Variants in KIF2A observed in about 807,000 individuals in gnomAD.
KIF2A encodes the protein kinesin family member 2A.
KIF2A carries 22 observed loss-of-function variants against 100.2 expected under a neutral mutation model. The ratio of observed to expected loss-of-function variants is 0.22; its 90% CI spans 0.16 to 0.31. KIF2A has a LOEUF of 0.31. Among genes scored for constraint, KIF2A ranks in the 10% least tolerant of loss-of-function variants. The pLI is 1.00. For synonymous variants in KIF2A, 268 were observed against 285.9 expected (o/e 0.94, Z 0.63); for missense variants, 495 against 898.7 (o/e 0.55, Z 5.74).
At position 62,363,309 on chromosome 5, in the gene KIF2A, C is replaced by T; in HGVS notation, c.1251C>T (p.Gly417=). ...ATGTACTGAAACTCATTGACATAGGCAACAGTTGCAGGTAAATCTCATTTT... is the reference window on the plus strand; with the variant it reads ...ATGTACTGAAACTCATTGACATAGGTAACAGTTGCAGGTAAATCTCATTTT... ...VEDVLKLIDI[G]NSCRTSGQTS... Residue 417 remains glycine (G), a synonymous_variant, in exon 13 of 21, where the codon GGC becomes GGT. Coordinates refer to ENST00000407818, the MANE Select transcript of KIF2A (RefSeq NM_001098511.3). The T allele has an allele frequency of 6.2e-7, 1 of 1,611,414 alleles. No homozygotes were observed. Among genetic ancestry groups the T allele is most frequent in the Non-Finnish European group, 8.5e-7 (1 of 1,178,948 alleles).
intron 1 of KIF2A, among the ~76,000 whole-genome samples, chr5:62,327,246 A>AT (rs1746422215): frequency 1.3e-5 from 2 of 152,274 alleles, no homozygotes; most frequent in South Asian, 4.1e-4. Flanking sequence ...GTCTTAAAAA[A>AT]TACTGTCTGT....
chr5:62,367,519 G>C (rs745647595), intron 16 of KIF2A, among the ~76,000 whole-genome samples: 2 of 152,006 alleles, frequency 1.3e-5, no homozygotes, highest in Non-Finnish European at 2.9e-5. Flanking sequence ...CACCTGCCTC[G>C]GCCTCCCAAA....
intron 16 of KIF2A, among the ~76,000 whole-genome samples, chr5:62,367,262 GT>G (rs996998038): frequency 6.6e-6 from 1 of 151,446 alleles, no homozygotes; most frequent in Admixed American, 6.6e-5. Context: ...TGTTTTTTTT[GT>G]TTTTTGTTTT....
intron 20 of KIF2A, among the ~76,000 whole-genome samples, chr5:62,381,812 CTT>C (rs373263176): frequency 2.6e-4 from 39 of 152,362 alleles, no homozygotes; most frequent in African/African-American, 9.1e-4. Context: ...GTCCTCCTGC[CTT>C]GACCTCCCAA....
intron 1 of KIF2A, among the ~76,000 whole-genome samples, chr5:62,311,198 A>T (rs999222112): frequency 1.3e-5 from 2 of 152,234 alleles, no homozygotes; most frequent in South Asian, 4.1e-4. Context: ...CATGCTTAGC[A>T]TAGAAATCAG....
At position 62,357,268 on chromosome 5, in the gene KIF2A, G is replaced by A. The variant is rs188986305; in HGVS notation, c.655-423G>A. Among the ~76,000 whole-genome samples, 12 of 151,380 alleles carry A rather than the reference G, an allele frequency of 7.9e-5. No individual in the cohort carries two copies. In the East Asian group the frequency reaches 2.1e-3, roughly 27 times the overall value. Reference sequence around the variant, plus strand: ...CCGGCTAATTTTTATATTTTTAGTAGAAATGGGGTTTCTCCATGTTGGCCA... The same window carrying A: ...CCGGCTAATTTTTATATTTTTAGTAAAAATGGGGTTTCTCCATGTTGGCCA... On this transcript the variant is annotated intron_variant, in intron 7 of 20. Coordinates refer to ENST00000407818, the MANE Select transcript of KIF2A (RefSeq NM_001098511.3).
rs186889241 is a variant in KIF2A at position 62,306,825 on chromosome 5, C to T, written c.64+289C>T. 6.3e-3 allele frequency: 2,628 copies of T among 420,200 alleles called. 61 individuals carry two copies. The highest frequency in any genetic ancestry group is 0.051 in the African/African-American group (2,411 of 47,194). 26.0% of individuals were successfully genotyped at this position (420,200 alleles called of 1,614,324 possible). A position where few individuals can be genotyped will look rare whatever the true frequency, so the allele number is the denominator to read the frequency against. ...CGGGGGTCTCTGGGCGAGGGCCGCT[C>T]GCTCCTCCTCCCGCAATCTCCAGCC... On this transcript the variant is annotated intron_variant, in intron 1 of 20. Coordinates refer to ENST00000407818, the MANE Select transcript of KIF2A (RefSeq NM_001098511.3).
intron 1 of KIF2A, among the ~76,000 whole-genome samples, chr5:62,334,461 C>T (rs562581392): frequency 3.9e-5 from 6 of 151,948 alleles, no homozygotes; most frequent in Non-Finnish European, 2.9e-5. Flanking sequence ...TGCCTACTAC[C>T]TTCCTGGGCC....
intron 1 of KIF2A, among the ~76,000 whole-genome samples, chr5:62,343,859 G>A (rs911394178): frequency 5.3e-5 from 8 of 152,178 alleles, no homozygotes; most frequent in African/African-American, 1.9e-4. Context: ...CATGAGGGTT[G>A]AGAATTTGTG....
At chr5:62,335,324 C>T (rs1465900800) in intron 1 of KIF2A, among the ~76,000 whole-genome samples, 1 of 152,142 alleles carries the variant, frequency 6.6e-6, no homozygotes, top group African/African-American at 2.4e-5. Context: ...CCCTGCTACC[C>T]GATCCTGCTC....
chr5:62,306,402 C>T lies in KIF2A; in HGVS notation c.-71C>T, dbSNP rs2111748726. The T allele has an allele frequency of 3.1e-6, 3 of 964,178 alleles. No homozygotes were observed. The highest frequency in any genetic ancestry group is 2.8e-5 in the East Asian group (1 of 35,570). 59.7% of individuals were successfully genotyped at this position (964,178 alleles called of 1,614,324 possible). A position where few individuals can be genotyped will look rare whatever the true frequency, so the allele number is the denominator to read the frequency against. On this transcript the variant is annotated 5_prime_UTR_variant, in exon 1 of 21. Transcript: ENST00000407818. ...ACCGCTCCCCCTCCCACACCTACCC[C>T]GCCCCCTCCCCGCCTTTTCCGCCCT...
intron 7 of KIF2A, among the ~76,000 whole-genome samples, chr5:62,357,061 C>T (rs1270063087): frequency 1.4e-5 from 2 of 141,444 alleles, no homozygotes; most frequent in Non-Finnish European, 3.1e-5. Context: ...GCTGGGATTA[C>T]CCACCATGCC....
At chr5:62,360,220 C>G (rs1414288715) in intron 9 of KIF2A, among the ~76,000 whole-genome samples, 1 of 151,802 alleles carries the variant, frequency 6.6e-6, no homozygotes, top group African/African-American at 2.4e-5. Context: ...GAACTCCTGA[C>G]CTCAAGTGAT....
chr5:62,318,728 C>A (rs570736033), intron 1 of KIF2A, among the ~76,000 whole-genome samples: 3 of 152,120 alleles, frequency 2.0e-5, no homozygotes, highest in Non-Finnish European at 4.4e-5. Context: ...CTTGATCCTA[C>A]CCCTGCAGTA....
intron 18 of KIF2A, among the ~76,000 whole-genome samples, chr5:62,376,663 C>T (rs930477346): frequency 5.3e-5 from 8 of 152,038 alleles, no homozygotes; most frequent in Admixed American, 2.6e-4. Flanking sequence ...TCAAGTGATC[C>T]GCCCGCCTCA....
intron 19 of KIF2A, among the ~76,000 whole-genome samples, chr5:62,378,225 A>G (rs1321415979): frequency 6.6e-6 from 1 of 152,204 alleles, no homozygotes; most frequent in South Asian, 2.1e-4. Flanking sequence ...GAAGGGTGTT[A>G]TATCACCACC....
rs758487736 is a variant in KIF2A at position 62,373,814 on chromosome 5, C to T, written c.1888C>T (p.Leu630=). Residue 630 remains leucine, a synonymous_variant, in exon 18 of 21, where the codon CTA becomes TTA. Transcript: ENST00000407818. ...GVGSSPQRDD[L]KLLCEQNEEE... Reference sequence around the variant, plus strand: ...GGGGAGTTCCCCTCAGAGAGATGATCTAAAACTTCTTTGTGAACAAAATGT... The same window carrying T: ...GGGGAGTTCCCCTCAGAGAGATGATTTAAAACTTCTTTGTGAACAAAATGT... 1 of 1,611,968 alleles carries T rather than the reference C, an allele frequency of 6.2e-7. No individual in the cohort carries two copies. The highest frequency in any genetic ancestry group is 1.1e-5 in the South Asian group (1 of 90,968).
chr5:62,357,616 A>T (rs1748182574), intron 7 of KIF2A, 75 bp from the exon 8 acceptor site: 1 of 723,338 alleles, frequency 1.4e-6, no homozygotes. Flanking sequence ...CCCTGGAGGA[A>T]ATATTACATA....
intron 1 of KIF2A, among the ~76,000 whole-genome samples, chr5:62,336,245 G>C (rs1746939818): frequency 6.6e-6 from 1 of 152,220 alleles, no homozygotes; most frequent in African/African-American, 2.4e-5. Context: ...AGGAGAATCA[G>C]AGTCAGGTCC....
Sources: allele counts gnomAD v4.1 joint callset (sites outside exome capture counted in the v4.1 genomes callset), GRCh38; gene constraint gnomAD v4.1.1; transcripts MANE v1.5; gene names NCBI Gene and HGNC (gene_info 2026-07-23, HGNC 2026-07-21).